Variants in CFAP251 observed in about 807,000 individuals in gnomAD.
CFAP251 encodes cilia and flagella associated protein 251, also known as cilia- and flagella-associated protein 251.
A neutral mutation model predicts 126.7 loss-of-function variants in CFAP251; 93 were observed. The observed-to-expected ratio is 0.73, with a 90% confidence interval of 0.62 to 0.87. The LOEUF is 0.87. Ranked by LOEUF, CFAP251 falls within the 40% of genes least tolerant of loss-of-function variation. The pLI is 0.00. For missense variants in CFAP251, 1,287 were observed against 1,389.2 expected (o/e 0.93, Z 1.17); for synonymous variants, 503 against 506.9 (o/e 0.99, Z 0.10).
rs1234693892 is a variant in CFAP251, at chr12:121,929,038, G to A, written c.748-2708G>A. ...GCAGTTTTAGGTTTATAGAAAAATT[G>A]AAGGCCGGGAGCAGTGGCTCATGCC... On this transcript the variant is annotated intron_variant, in intron 3 of 21. Transcript: ENST00000288912. 2.0e-5 allele frequency among the ~76,000 whole-genome samples: 3 copies of A among 152,086 alleles called. No individual in the cohort carries two copies. In the East Asian group the frequency reaches 5.8e-4, roughly 30 times the overall value.
chr12:121,940,018 A>G (rs1422833614), intron 5 of CFAP251, among the ~76,000 whole-genome samples: 1 of 152,224 alleles, frequency 6.6e-6, no homozygotes, highest in Non-Finnish European at 1.5e-5. Flanking sequence ...CTGCAAATCT[A>G]GTAAATTAGA....
At chr12:121,990,130 T>C (rs1882843496) in intron 19 of CFAP251, among the ~76,000 whole-genome samples, 1 of 152,182 alleles carries the variant, frequency 6.6e-6, no homozygotes, top group Non-Finnish European at 1.5e-5. Flanking sequence ...ATATTCCCCC[T>C]TGACAGTTCA....
intron 5 of CFAP251, among the ~76,000 whole-genome samples, chr12:121,938,163 C>T (rs914229913): frequency 2.0e-5 from 3 of 151,362 alleles, no homozygotes; most frequent in African/African-American, 7.3e-5. Flanking sequence ...TGCCACTGAG[C>T]CTGGCTAATT....
intron 19 of CFAP251, among the ~76,000 whole-genome samples, chr12:121,981,260 C>T (rs183079811): frequency 6.6e-6 from 1 of 151,742 alleles, no homozygotes; most frequent in Admixed American, 6.6e-5. Context: ...TTTAGTAAGC[C>T]CAGGAGTTCA....
At chr12:121,963,103 G>C (rs1382692571) in intron 15 of CFAP251, among the ~76,000 whole-genome samples, 1 of 152,194 alleles carries the variant, frequency 6.6e-6, no homozygotes, top group Non-Finnish European at 1.5e-5. Flanking sequence ...TCTGGCTTCT[G>C]TACAGAGAGC....
chr12:121,936,264 A>G (rs545553193), intron 5 of CFAP251, among the ~76,000 whole-genome samples: 1 of 152,272 alleles, frequency 6.6e-6, no homozygotes, highest in African/African-American at 2.4e-5. Flanking sequence ...AGTGGGCAAC[A>G]TAGTGAGACT....
rs1881737951 is a variant in CFAP251, at chr12:121,956,666, T to G, written c.1536-408T>G. On this transcript the variant is annotated intron_variant, in intron 10 of 21. Transcript: ENST00000288912. ...GCACACCACCACACCTGACTAATTT[T>G]TGTATTTTTAGTAGAGGCGGGGTTT... Among the ~76,000 whole-genome samples the G allele has an allele frequency of 2.6e-5, 4 of 152,232 alleles. No homozygotes were observed. In the South Asian group the frequency reaches 8.3e-4, roughly 32 times the overall value.
At chr12:121,991,058 G>A (rs1366729335) in intron 19 of CFAP251, among the ~76,000 whole-genome samples, 1 of 152,186 alleles carries the variant, frequency 6.6e-6, no homozygotes, top group Non-Finnish European at 1.5e-5. Context: ...CTAGTAAATC[G>A]AGTAAAATTA....
At chr12:121,987,668 T>C (rs1386765004) in intron 19 of CFAP251, among the ~76,000 whole-genome samples, 2 of 141,960 alleles carry the variant, frequency 1.4e-5, no homozygotes, top group Admixed American at 1.5e-4. Context: ...TGAGCTAAGA[T>C]GGCACCATTG....
At chr12:121,933,794 G>C (rs75857306) in intron 4 of CFAP251, 5,711 of 155,212 alleles carry the variant, frequency 0.037, 143 homozygotes, top group Middle Eastern at 0.054. Context: ...ACTCTAGTCT[G>C]GGTGACAGAG....
Position 121,921,617 on chromosome 12 carries a change from A to G in CFAP251, c.312A>G (p.Thr104=), listed in dbSNP as rs1880182134. 3 of 1,614,196 alleles carry G rather than the reference A, an allele frequency of 1.9e-6. No individual in the cohort carries two copies. The highest frequency in any genetic ancestry group is 2.5e-6 in the Non-Finnish European group (3 of 1,180,036). ...EETTVEPQEV[T]ASMIRLETQI... ...CCACAGTAGAGCCCCAAGAAGTCAC[A>G]GCGTCCATGATCCGTTTGGAGACAC... Residue 104 remains threonine, a synonymous_variant, in exon 2 of 22, where the codon ACA becomes ACG. Coordinates refer to ENST00000288912, the MANE Select transcript of CFAP251 (RefSeq NM_144668.6).
chr12:121,954,592 C>T (rs1289100128), intron 10 of CFAP251, among the ~76,000 whole-genome samples: 1 of 122,866 alleles, frequency 8.1e-6, no homozygotes, highest in Non-Finnish European at 1.6e-5. Context: ...GCTATCATTG[C>T]CACTGTGCTC....
chr12:121,977,683 T>A (rs577484091), intron 19 of CFAP251, among the ~76,000 whole-genome samples: 2 of 138,960 alleles, frequency 1.4e-5, no homozygotes, highest in African/African-American at 5.6e-5. Flanking sequence ...TGGCCGGGTG[T>A]GGTGGCTCAG....
intron 19 of CFAP251, among the ~76,000 whole-genome samples, chr12:121,988,166 A>G (rs1433969564): frequency 6.6e-6 from 1 of 152,040 alleles, no homozygotes; most frequent in Admixed American, 6.6e-5. Flanking sequence ...CTTAGAATCG[A>G]AATGTTGTTA....
At chr12:121,992,434 G>A in intron 19 of CFAP251, 7 of 985,348 alleles carry the variant, frequency 7.1e-6, no homozygotes, top group Non-Finnish European at 8.4e-6. Context: ...GTGAATGTTT[G>A]CTGAGCTCTT....
chr12:121,944,599 C>T (rs867851614), intron 7 of CFAP251, among the ~76,000 whole-genome samples: 12 of 152,028 alleles, frequency 7.9e-5, no homozygotes, highest in Admixed American at 2.6e-4. Flanking sequence ...TCTTCACCTC[C>T]GGTTAAATTT....
intron 5 of CFAP251, among the ~76,000 whole-genome samples, chr12:121,935,829 G>A (rs1403991827): frequency 6.6e-6 from 1 of 152,194 alleles, no homozygotes; most frequent in East Asian, 1.9e-4. Flanking sequence ...TTCCCTCCTT[G>A]TATCTGCTTC....
chr12:121,930,858 C>G (rs1283412718), intron 3 of CFAP251, among the ~76,000 whole-genome samples: 1 of 151,538 alleles, frequency 6.6e-6, no homozygotes, highest in Non-Finnish European at 1.5e-5. Flanking sequence ...AAGTGATTCT[C>G]CAGCCTCAGC....
intron 10 of CFAP251, among the ~76,000 whole-genome samples, chr12:121,956,191 A>G (rs1881721765): frequency 6.6e-6 from 1 of 152,156 alleles, no homozygotes; most frequent in Non-Finnish European, 1.5e-5. Flanking sequence ...TGATCACACT[A>G]ACAGTAGTGC....
Sources: gnomAD v4.1 joint callset for allele counts (sites outside exome capture counted in the v4.1 genomes callset) on GRCh38, gnomAD v4.1.1 for gene constraint, MANE v1.5 for transcripts, NCBI Gene and HGNC (gene_info 2026-07-23, HGNC 2026-07-21) for gene names.